The following HDAC4 variants were observed in gnomAD, a reference collection of about 807,000 sequenced individuals.
HDAC4 encodes histone deacetylase 4.
Under a neutral mutation model 135.1 loss-of-function variants are expected in HDAC4, and 16 were observed. That is an observed-to-expected ratio of 0.12 (90% CI 0.08 to 0.18). The LOEUF (loss-of-function observed/expected upper bound fraction) is 0.18. HDAC4 is among the 10% of genes least tolerant of loss of function. HDAC4 has a pLI of 1.00. For synonymous variants in HDAC4, 685 were observed against 653.4 expected, an observed-to-expected ratio of 1.05 and a Z score of -0.74; for missense variants, 1,143 against 1,511.8, an observed-to-expected ratio of 0.76 and a Z score of 4.05.
Position 239,117,683 on chromosome 2 carries a change from G to C in HDAC4, c.1534-2373C>G, listed in dbSNP as rs371050825. Among the ~76,000 whole-genome samples, 369 of 152,112 alleles carry C rather than the reference G, an allele frequency of 2.4e-3. 5 individuals carry two copies. Among genetic ancestry groups the C allele is most frequent in the African/African-American group, 8.5e-3 (352 of 41,498 alleles). On this transcript the variant is annotated intron_variant, in intron 12 of 26. Coordinates refer to ENST00000543185, the MANE Select transcript of HDAC4 (RefSeq NM_001378414.1). The stretch of plus-strand genomic sequence containing the variant: ...ACTGACTGAGCTGCATTCCTCTGCA[G>C]ACTGTGAAAGAACGTCCCACAATCC...
Position 239,068,532 on chromosome 2 carries a change from C to T in HDAC4, c.2826G>A (p.Glu942=). 2 of 1,614,018 alleles carry T rather than the reference C, an allele frequency of 1.2e-6. No homozygotes were observed. Among genetic ancestry groups the T allele is most frequent in the Non-Finnish European group, 1.7e-6 (2 of 1,179,988 alleles). Residue 942 remains glutamate, a synonymous_variant, in exon 23 of 27, where the codon GAG becomes GAA. Transcript: ENST00000543185. This position sits in a 1 kb window ranked among gnomAD's most constrained non-coding sequence, Gnocchi z 4.4. ...VLVSSGFDAV[E]GHPTPLGGYN... ...AGCCCCCAAGAGGGGTGGGGTGGCC[C>T]TCCACGGCATCGAAGCCTGATGACA...
rs61588945 is a variant in HDAC4 at position 239,088,603 on chromosome 2, G to A, written c.2389-989C>T. On this transcript the variant is annotated intron_variant, in intron 18 of 26. Transcript: ENST00000543185. ...GCTGAAGCACCGGAGGGTAGACGGC[G>A]GGCAGGGAACAGCACCAGGGCGTGT... Among the ~76,000 whole-genome samples the A allele has an allele frequency of 6.0e-3, 907 of 152,318 alleles. 14 individuals carry two copies. The highest frequency in any genetic ancestry group is 0.021 in the African/African-American group (861 of 41,568).
intron 1 of HDAC4, among the ~76,000 whole-genome samples, chr2:239,354,561 AATTT>A (rs1374829175): frequency 7.7e-6 from 1 of 129,564 alleles, no homozygotes; most frequent in African/African-American, 3.0e-5. Context: ...TTAGTCTAGA[AATTT>A]TTTTTTTTTT....
At chr2:239,395,761 T>C (rs113426373) in intron 1 of HDAC4, among the ~76,000 whole-genome samples, 8 of 152,272 alleles carry the variant, frequency 5.3e-5, no homozygotes, top group African/African-American at 1.9e-4. Flanking sequence ...AGTGCAGAAA[T>C]GCCAGCAGGT....
At chr2:239,364,273 C>T (rs1272112836) in intron 1 of HDAC4, among the ~76,000 whole-genome samples, 1 of 152,186 alleles carries the variant, frequency 6.6e-6, no homozygotes, top group African/African-American at 2.4e-5. Flanking sequence ...AAACCAGAAA[C>T]CTCCCAAACG....
At chr2:239,229,729 TG>T (rs2047432933) in intron 3 of HDAC4, among the ~76,000 whole-genome samples, 1 of 152,192 alleles carries the variant, frequency 6.6e-6, no homozygotes, top group South Asian at 2.1e-4. Flanking sequence ...ACTGAAGAGT[TG>T]ATGTCAGCAT....
chr2:239,289,074 A>G (rs2051309271), intron 2 of HDAC4, among the ~76,000 whole-genome samples: 1 of 152,226 alleles, frequency 6.6e-6, no homozygotes, highest in South Asian at 2.1e-4. Context: ...GAGCACAGGG[A>G]GGGTCCAAAA....
chr2:239,099,783 A>G (rs549068298), intron 16 of HDAC4, among the ~76,000 whole-genome samples: 49 of 152,324 alleles, frequency 3.2e-4, no homozygotes, highest in Admixed American at 1.4e-3. Context: ...TTCTCCCTGC[A>G]GGGCGATCTC....
chr2:239,347,701 G>C (rs922459414), intron 2 of HDAC4, among the ~76,000 whole-genome samples: 1 of 152,152 alleles, frequency 6.6e-6, no homozygotes, highest in Non-Finnish European at 1.5e-5. Flanking sequence ...TTTTAGTAGA[G>C]ACGGGGTTTG....
intron 2 of HDAC4, among the ~76,000 whole-genome samples, chr2:239,260,196 C>T (rs900804253): frequency 4.6e-5 from 7 of 152,214 alleles, no homozygotes; most frequent in African/African-American, 1.7e-4. Context: ...ACTCTGCAGG[C>T]GCCCTGTGAC....
intron 8 of HDAC4, among the ~76,000 whole-genome samples, chr2:239,143,885 C>T (rs1280493990): frequency 6.6e-6 from 1 of 152,236 alleles, no homozygotes; most frequent in Non-Finnish European, 1.5e-5. Context: ...TCTATCCAGG[C>T]CATGCCCAAG....
chr2:239,374,084 GAGAACAGTGATGCTATGGCGTCCGCA>G (rs1253749537), intron 1 of HDAC4, among the ~76,000 whole-genome samples: 1 of 152,234 alleles, frequency 6.6e-6, no homozygotes, highest in Non-Finnish European at 1.5e-5. Flanking sequence ...GAGGGACACT[GAGAACAGTGATGCTATGGCGTCCGCA>G]GAACAGGCAC....
Position 239,352,716 on chromosome 2 carries a change from T to A in HDAC4, c.-17A>T. The A allele has an allele frequency of 6.4e-7, 1 of 1,555,858 alleles. No individual in the cohort carries two copies. Among genetic ancestry groups the A allele is most frequent in the South Asian group, 1.2e-5 (1 of 84,334 alleles). On this transcript the variant is annotated 5_prime_UTR_variant, in exon 2 of 27. Transcript: ENST00000543185. The surrounding 1 kb of genome is among the most constrained non-coding windows in gnomAD (Gnocchi z 4.4). Reference sequence around the variant, plus strand: ...GGAGCTCATTGCTAGCAATGTCCACTCCTTTAAGTGATTCGAAATGGCTCA... The same window carrying A: ...GGAGCTCATTGCTAGCAATGTCCACACCTTTAAGTGATTCGAAATGGCTCA...
chr2:239,189,709 C>T (rs996210159), intron 4 of HDAC4, 124 bp downstream of exon 4: 3 of 879,320 alleles, frequency 3.4e-6, no homozygotes, highest in African/African-American at 1.7e-5. Context: ...ACGCAGAAGG[C>T]CTCCTGCAGG....
chr2:239,235,652 C>T (rs890157043), intron 3 of HDAC4, among the ~76,000 whole-genome samples: 2 of 152,224 alleles, frequency 1.3e-5, no homozygotes, highest in Non-Finnish European at 2.9e-5. Context: ...GGAGTTTAAA[C>T]CCTGGAGGAT....
In HDAC4 at chr2:239,059,964, G is replaced by A. The variant is rs568745256; in HGVS notation, c.3004-5131C>T. 2.6e-5 allele frequency among the ~76,000 whole-genome samples: 4 copies of A among 152,304 alleles called. No individual in the cohort carries two copies. The South Asian group carries it at 8.3e-4, about 32-fold the overall frequency. On this transcript the variant is annotated intron_variant, in intron 24 of 26. Coordinates refer to ENST00000543185, the MANE Select transcript of HDAC4 (RefSeq NM_001378414.1). ...GGGGCCCTTGGATCCACCCACGTCC[G>A]TCACACTCGTAGTTCTCGAGAGTGA... is the stretch of plus-strand genomic sequence containing the variant.
At chr2:239,182,968 C>G (rs1384362767) in intron 4 of HDAC4, among the ~76,000 whole-genome samples, 6 of 152,306 alleles carry the variant, frequency 3.9e-5, no homozygotes, top group Non-Finnish European at 8.8e-5. Flanking sequence ...CTTTGAGATG[C>G]GCTTATTTTT....
In HDAC4 at chr2:239,084,181, C is replaced by G; in HGVS notation, c.2506G>C (p.Val836Leu). 2 of 1,613,424 alleles carry G rather than the reference C, an allele frequency of 1.2e-6. No individual in the cohort carries two copies. The highest frequency in any genetic ancestry group is 1.7e-4 in the Middle Eastern group (1 of 6,060). ...CAGTCCACGATGAGGATCTTGCTCA[C>G]GCTCAACCTCTGCTGCAGAAGCTTG... ...AAKLLQQRLS[V>L]SKILIVDWDV... Residue 836 changes from valine to leucine, a missense_variant, in exon 20 of 27, where the codon GTG (valine) becomes CTG (leucine). Coordinates refer to ENST00000543185, the MANE Select transcript of HDAC4 (RefSeq NM_001378414.1).
chr2:239,286,776 G>A (rs776100878), intron 2 of HDAC4, among the ~76,000 whole-genome samples: 3 of 152,042 alleles, frequency 2.0e-5, no homozygotes, highest in South Asian at 2.1e-4. Flanking sequence ...GAGGTAGGCC[G>A]GCCAAGGATG....
Sources: allele counts gnomAD v4.1 joint callset (sites outside exome capture counted in the v4.1 genomes callset), GRCh38; gene constraint gnomAD v4.1.1; non-coding constraint Gnocchi (gnomAD v3.1); transcripts MANE v1.5; gene names NCBI Gene and HGNC (gene_info 2026-07-23, HGNC 2026-07-21).